RFX3: variants seen among roughly 807,000 people sequenced by gnomAD.
The protein encoded by RFX3 is transcription factor RFX3.
In RFX3, 14 loss-of-function variants were observed where a neutral mutation model predicts 98.6. That is an observed-to-expected ratio of 0.14 (90% CI 0.09 to 0.22). RFX3 has a LOEUF of 0.22. Among genes scored for constraint, RFX3 ranks in the 10% least tolerant of loss-of-function variants. The pLI is 1.00. For missense variants in RFX3, 639 were observed against 926.9 expected (o/e 0.69, Z 4.03); for synonymous variants, 383 against 328.4 (o/e 1.17, Z -1.80).
intron 1 of RFX3, among the ~76,000 whole-genome samples, chr9:3,415,710 G>A (rs1048558056): frequency 4.6e-5 from 7 of 152,026 alleles, no homozygotes; most frequent in African/African-American, 1.7e-4. Flanking sequence ...TGTATATCAT[G>A]ACTTTCTAGT....
intron 4 of RFX3, among the ~76,000 whole-genome samples, chr9:3,302,035 C>A (rs928470114): frequency 6.6e-6 from 1 of 151,572 alleles, no homozygotes; most frequent in African/African-American, 2.4e-5. Flanking sequence ...AAAATCATAC[C>A]GCAGATTTTG....
At position 3,330,490 on chromosome 9, in the gene RFX3, C is replaced by G. The variant is rs1832464353; in HGVS notation, c.243G>C (p.Glu81Asp). The G allele has an allele frequency of 6.2e-7, 1 of 1,613,690 alleles. No homozygotes were observed. Among genetic ancestry groups the G allele is most frequent in the Non-Finnish European group, 8.5e-7 (1 of 1,179,846 alleles). Reference protein sequence around the residue: ...AIRTTTYPYTETQMYSQNTGG... With the variant: ...AIRTTTYPYTDTQMYSQNTGG... ...CAGTATTTTGGCTGTACATCTGTGTCTCTGTGTAAGGATACGTTGTTGTTC... is the reference window on the plus strand; with the variant it reads ...CAGTATTTTGGCTGTACATCTGTGTGTCTGTGTAAGGATACGTTGTTGTTC... The change falls in exon 4 of 17, where the codon GAG (glutamate) becomes GAC (aspartate). Residue 81 changes from glutamate (E) to aspartate (D), a missense_variant. Glu to Asp is a conservative substitution (Grantham distance 45). Transcript: ENST00000617270.
At chr9:3,431,058 A>G (rs551196775) in intron 1 of RFX3, among the ~76,000 whole-genome samples, 5 of 152,310 alleles carry the variant, frequency 3.3e-5, no homozygotes, top group Admixed American at 3.3e-4. Context: ...AAAATTAACT[A>G]TAATACCTAC....
chr9:3,298,794 A>C (rs1293259368), intron 5 of RFX3, among the ~76,000 whole-genome samples: 4 of 151,850 alleles, frequency 2.6e-5, no homozygotes, highest in South Asian at 4.1e-4. Context: ...AGTCCTAATA[A>C]GAGTTTTTAA....
At chr9:3,418,736 A>C (rs1254506767) in intron 1 of RFX3, among the ~76,000 whole-genome samples, 1 of 152,224 alleles carries the variant, frequency 6.6e-6, no homozygotes, top group Non-Finnish European at 1.5e-5. Context: ...ATTAGGTAAC[A>C]TCAATTAAAA....
intron 2 of RFX3, among the ~76,000 whole-genome samples, chr9:3,351,514 A>G (rs897354875): frequency 6.6e-6 from 1 of 152,034 alleles, no homozygotes; most frequent in Non-Finnish European, 1.5e-5. Context: ...TAGGACAACT[A>G]ACAACATAAA....
rs536877897 is a variant in RFX3 at position 3,300,433 on chromosome 9, A to G, written c.549+1113T>C. 3.3e-5 allele frequency among the ~76,000 whole-genome samples: 5 copies of G among 151,942 alleles called. No homozygotes were observed. The South Asian group carries it at 8.3e-4, about 25-fold the overall frequency. On this transcript the variant is annotated intron_variant, in intron 5 of 16. Coordinates refer to ENST00000617270, the MANE Select transcript of RFX3 (RefSeq NM_001282116.2). ...CCATCTAAAAACAAAGTGTAAGAAC[A>G]TAAGGAGGTAATTAGTGCTATTTTA... is the stretch of plus-strand genomic sequence containing the variant.
chr9:3,372,033 C>A (rs550589239), intron 2 of RFX3, among the ~76,000 whole-genome samples: 1 of 152,176 alleles, frequency 6.6e-6, no homozygotes, highest in Admixed American at 6.5e-5. Context: ...GTAAATATTA[C>A]ATGCCCCAAA....
intron 1 of RFX3, among the ~76,000 whole-genome samples, chr9:3,423,798 T>TATATATAC (rs1209483172): frequency 7.5e-6 from 1 of 133,406 alleles, no homozygotes; most frequent in East Asian, 2.1e-4. Context: ...TATATATATA[T>TATATATAC]ATATATATAT....
intron 1 of RFX3, among the ~76,000 whole-genome samples, chr9:3,397,277 T>C (rs1840993755): frequency 6.6e-6 from 1 of 152,202 alleles, no homozygotes; most frequent in Non-Finnish European, 1.5e-5. Context: ...AAAGACCAGA[T>C]TTCTAGTTTT....
At chr9:3,374,128 TACC>T (rs1384833924) in intron 2 of RFX3, among the ~76,000 whole-genome samples, 2 of 151,754 alleles carry the variant, frequency 1.3e-5, no homozygotes, top group African/African-American at 4.8e-5. Context: ...ACCCCACAAC[TACC>T]ACTTTACATC....
rs543798812 is a variant in RFX3 at position 3,481,534 on chromosome 9, T to C, written c.-9+44213A>G. On this transcript the variant is annotated intron_variant, in intron 1 of 16. Coordinates refer to ENST00000617270, the MANE Select transcript of RFX3 (RefSeq NM_001282116.2). ...ACCTATCTAATGAATTATTTTGAAT[T>C]ATAATGATCATGTTATAATGTGGGG... is the stretch of plus-strand genomic sequence containing the variant. Among the ~76,000 whole-genome samples, 209 of 151,930 alleles carry C rather than the reference T, an allele frequency of 1.4e-3. 1 individual carries two copies. The highest frequency in any genetic ancestry group is 4.9e-3 in the African/African-American group (203 of 41,492).
rs539815283 is a variant in RFX3, at chr9:3,489,395, T to C, written c.-9+36352A>G. The C allele has an allele frequency of 1.9e-5, 19 of 984,344 alleles. No individual in the cohort carries two copies. In the South Asian group the frequency reaches 6.1e-4, roughly 32 times the overall value. 61.0% of individuals were successfully genotyped at this position (984,344 alleles called of 1,614,324 possible). A position where few individuals can be genotyped will look rare whatever the true frequency, so the allele number is the denominator to read the frequency against. On this transcript the variant is annotated intron_variant, in intron 1 of 16. Transcript: ENST00000617270. ...TTTCTGAATGGCAGTGGAAGGCCTG[T>C]CTTTAAAGTACTGTTTGTAGTGGAA...
chr9:3,400,259 A>T (rs1841340465), intron 1 of RFX3: 1 of 963,348 alleles, frequency 1.0e-6, no homozygotes, highest in African/African-American at 1.8e-5. Flanking sequence ...AAGAAAAGAA[A>T]AAGTTGTCAA....
chr9:3,284,590 C>T (rs1321416800), intron 7 of RFX3, among the ~76,000 whole-genome samples: 1 of 151,514 alleles, frequency 6.6e-6, no homozygotes, highest in Non-Finnish European at 1.5e-5. Context: ...TTGTGTTAGG[C>T]TAGATTTTAG....
chr9:3,257,266 A>T (rs1359011121), intron 13 of RFX3, 67 bp from the exon 14 acceptor site: 21 of 1,323,824 alleles, frequency 1.6e-5, no homozygotes, highest in Non-Finnish European at 2.3e-5. Flanking sequence ...ATGCCAGCAC[A>T]CACACTAGAT....
intron 1 of RFX3, among the ~76,000 whole-genome samples, chr9:3,502,534 AAAT>A (rs958226364): frequency 6.6e-6 from 1 of 152,238 alleles, no homozygotes; most frequent in East Asian, 1.9e-4. Context: ...ATAAAGAGGT[AAAT>A]AATACCATCT....
At chr9:3,430,151 A>C (rs1844516882) in intron 1 of RFX3, among the ~76,000 whole-genome samples, 1 of 152,210 alleles carries the variant, frequency 6.6e-6, no homozygotes, top group African/African-American at 2.4e-5. Context: ...TATGTAAGAG[A>C]ATAAAATGAT....
At chr9:3,429,833 A>G (rs1238010558) in intron 1 of RFX3, among the ~76,000 whole-genome samples, 1 of 152,146 alleles carries the variant, frequency 6.6e-6, no homozygotes, top group Admixed American at 6.5e-5. Context: ...GATGGACTTG[A>G]TATCTCCCTA....
Sources: allele counts gnomAD v4.1 joint callset (sites outside exome capture counted in the v4.1 genomes callset), GRCh38; gene constraint gnomAD v4.1.1; transcripts MANE v1.5; gene names NCBI Gene and HGNC (gene_info 2026-07-23, HGNC 2026-07-21).